SOX6: variants seen among roughly 807,000 people sequenced by gnomAD.
The protein encoded by SOX6 is SRY-box transcription factor 6, also known as transcription factor SOX-6.
SOX6 carries 11 observed loss-of-function variants against 97.8 expected under a neutral mutation model. That is an observed-to-expected ratio of 0.11 (90% confidence interval 0.07 to 0.19). The LOEUF is 0.19. SOX6 is among the 10% of genes least tolerant of loss of function. SOX6 has a pLI of 1.00. For missense variants in SOX6, 810 were observed against 1,039.5 expected (o/e 0.78, Z 3.04); for synonymous variants, 360 against 371.4 (o/e 0.97, Z 0.35).
At chr11:16,594,683 G>GTTTTTTTTTGTTTTTTTTT (rs1565188995) in intron 4 of SOX6, among the ~76,000 whole-genome samples, 1 of 47,806 alleles carries the variant, frequency 2.1e-5, no homozygotes, top group African/African-American at 8.1e-5. Flanking sequence ...TTCGGTTTTT[G>GTTTTTTTTTGTTTTTTTTT]CTTTTTTTTT....
chr11:16,241,314 T>C (rs150611475), intron 3 of SOX6, among the ~76,000 whole-genome samples: 5 of 152,118 alleles, frequency 3.3e-5, no homozygotes, highest in African/African-American at 9.6e-5. Context: ...CACTGTATCT[T>C]ATTGCCCAGG....
chr11:16,008,556 T>C (rs1860348246), intron 13 of SOX6, among the ~76,000 whole-genome samples: 2 of 152,058 alleles, frequency 1.3e-5, no homozygotes, highest in African/African-American at 4.8e-5. Context: ...GAGTTCCTTT[T>C]ATGGAGTATT....
intron 13 of SOX6, among the ~76,000 whole-genome samples, chr11:16,000,932 C>T (rs553199081): frequency 6.6e-6 from 1 of 152,256 alleles, no homozygotes; most frequent in East Asian, 1.9e-4. Context: ...TCCTGGCTTA[C>T]TGCAACCTCT....
intron 1 of SOX6, among the ~76,000 whole-genome samples, chr11:16,379,247 G>T (rs1857733154): frequency 6.6e-6 from 1 of 152,048 alleles, no homozygotes. Context: ...CGGGTGGATT[G>T]CCTGAGGCTG....
intron 4 of SOX6, chr11:16,484,051 G>T: frequency 1.3e-6 from 1 of 780,168 alleles, no homozygotes; most frequent in East Asian, 2.4e-5. Flanking sequence ...GAGCCGAGGG[G>T]GCTGTAGGCA....
At chr11:16,215,653 T>C (rs1013987967) in intron 4 of SOX6, among the ~76,000 whole-genome samples, 2 of 152,098 alleles carry the variant, frequency 1.3e-5, no homozygotes, top group African/African-American at 4.8e-5. Context: ...GACAGCAAAT[T>C]AGAAAAGCCA....
intron 1 of SOX6, among the ~76,000 whole-genome samples, chr11:16,413,675 C>T (rs1858869382): frequency 6.6e-6 from 1 of 151,804 alleles, no homozygotes; most frequent in Admixed American, 6.6e-5. Flanking sequence ...CACCTGCCAC[C>T]ATGTCCAGCA....
chr11:16,096,060 A>G lies in SOX6; in HGVS notation c.1037T>C (p.Phe346Ser), dbSNP rs533363949. 16 of 1,611,964 alleles carry G rather than the reference A, an allele frequency of 9.9e-6. No homozygotes were observed. The South Asian group carries it at 1.6e-4, about 17-fold the overall frequency. Reference protein sequence around the residue: ...NQRLKGLSDRFGRNLDTFEHG... With the variant: ...NQRLKGLSDRSGRNLDTFEHG... ...TTCAAAGGTGTCCAAATTCCTGCCA[A>G]AACGGTCACTTAGGCCCTTTAGCCT... Residue 346 changes from phenylalanine to serine, a missense_variant, in exon 9 of 16, where the codon TTT becomes TCT. Around this residue, in one of 9 missense-constraint regions of SOX6, gnomAD observed 244 missense variants for 261.0 expected, o/e 0.93. Coordinates refer to ENST00000683767, the MANE Select transcript of SOX6 (RefSeq NM_001367873.1).
chr11:16,151,372 A>G (rs1442367118), intron 6 of SOX6, among the ~76,000 whole-genome samples: 2 of 152,138 alleles, frequency 1.3e-5, no homozygotes, highest in African/African-American at 4.8e-5. Flanking sequence ...GCTGCTGAGT[A>G]ATACTTTGAA....
intron 1 of SOX6, among the ~76,000 whole-genome samples, chr11:16,347,309 G>A (rs1391231792): frequency 1.3e-5 from 2 of 151,960 alleles, no homozygotes; most frequent in Non-Finnish European, 2.9e-5. Flanking sequence ...TAAATAATAT[G>A]GTCTTCTCAC....
chr11:16,234,509 T>G, intron 4 of SOX6, 73 bp downstream of exon 4: 1 of 865,318 alleles, frequency 1.2e-6, no homozygotes, highest in East Asian at 2.7e-5. Flanking sequence ...GTACAGAAGA[T>G]CAGCAAATAC....
intron 4 of SOX6, among the ~76,000 whole-genome samples, chr11:16,583,383 CCTT>C (rs1848048719): frequency 6.6e-6 from 1 of 151,254 alleles, no homozygotes; most frequent in East Asian, 1.9e-4. Flanking sequence ...AGAACTTATT[CCTT>C]CTATCTAGCT....
At chr11:16,091,297 T>C (rs1305305020) in intron 9 of SOX6, among the ~76,000 whole-genome samples, 1 of 152,062 alleles carries the variant, frequency 6.6e-6, no homozygotes, top group Admixed American at 6.6e-5. Context: ...TCTTTCTCCA[T>C]TGGGTAGCCA....
At chr11:16,568,888 T>A (rs1024976465) in intron 4 of SOX6, among the ~76,000 whole-genome samples, 4 of 152,178 alleles carry the variant, frequency 2.6e-5, no homozygotes, top group African/African-American at 9.7e-5. Context: ...TAACCTTCTC[T>A]CTCCCATCCC....
At chr11:16,361,512 A>G (rs1442501989), upstream of SOX6, among the ~76,000 whole-genome samples, 1 of 152,192 alleles carries the variant, frequency 6.6e-6, no homozygotes, top group Non-Finnish European at 1.5e-5. Context: ...CTTACCAAAA[A>G]TTAGTGTGTG....
chr11:16,424,991 A>C (rs1189945865), intron 1 of SOX6, among the ~76,000 whole-genome samples: 1 of 152,234 alleles, frequency 6.6e-6, no homozygotes, highest in Non-Finnish European at 1.5e-5. Flanking sequence ...AAGAAAAAAA[A>C]CTTCCAGGCC....
rs1461622782 is a variant in SOX6 at position 16,607,666 on chromosome 11, A to G, written n.609+4415T>C. ...TAGGGGCTTCACCCTGGAACAAGTG[A>G]AGGCGATGGTTAGTGCTGTCAATCT... On this transcript the variant is annotated intron_variant and non_coding_transcript_variant, in intron 4 of 5. Coordinates refer to the SOX6 transcript ENST00000524520. This position sits in a 1 kb window ranked among gnomAD's most constrained non-coding sequence, Gnocchi z 6.5. 1 of 152,378 alleles carries G rather than the reference A, an allele frequency of 6.6e-6. No individual in the cohort carries two copies. The highest frequency in any genetic ancestry group is 2.4e-5 in the African/African-American group (1 of 41,474). 9.4% of individuals were successfully genotyped at this position (152,378 alleles called of 1,614,324 possible). A position where few individuals can be genotyped will look rare whatever the true frequency, so the allele number is the denominator to read the frequency against.
intron 1 of SOX6, among the ~76,000 whole-genome samples, chr11:16,460,392 A>G (rs1859898642): frequency 6.6e-6 from 1 of 151,962 alleles, no homozygotes; most frequent in African/African-American, 2.4e-5. Context: ...ATCCCACCTC[A>G]TGTCCAGAAG....
At chr11:16,368,578 C>A (rs1857420283) in intron 1 of SOX6, among the ~76,000 whole-genome samples, 4 of 152,124 alleles carry the variant, frequency 2.6e-5, no homozygotes, top group Admixed American at 2.0e-4. Context: ...TGAAGTTTAA[C>A]CCTTATCTTA....
Sources: gnomAD v4.1 joint callset for allele counts (sites outside exome capture counted in the v4.1 genomes callset) on GRCh38, gnomAD v4.1.1 for gene constraint, gnomAD v4.1.1 regional missense constraint, Gnocchi (gnomAD v3.1) non-coding constraint, MANE v1.5 for transcripts, NCBI Gene and HGNC (gene_info 2026-07-23, HGNC 2026-07-21) for gene names.